GPR158: variants seen among roughly 807,000 people sequenced by gnomAD.
GPR158 encodes G protein-coupled receptor 158.
Under a neutral mutation model 78.2 loss-of-function variants are expected in GPR158, and 30 were observed. The observed-to-expected ratio is 0.38, with a 90% CI of 0.29 to 0.52. GPR158 has a LOEUF of 0.52. Among genes scored for constraint, GPR158 ranks in the 20% least tolerant of loss-of-function variants. The pLI is 0.83. For synonymous variants in GPR158, 581 were observed against 591.1 expected (o/e 0.98, Z 0.25); for missense variants, 1,463 against 1,523.5 (o/e 0.96, Z 0.66).
chr10:25,504,251 A>G (rs1018745633), intron 5 of GPR158, among the ~76,000 whole-genome samples: 2 of 152,200 alleles, frequency 1.3e-5, no homozygotes, highest in Non-Finnish European at 2.9e-5. Context: ...AGTGCCTGTT[A>G]TATGAATTCA....
chr10:25,529,945 C>A (rs886438309), intron 5 of GPR158, among the ~76,000 whole-genome samples: 2 of 152,142 alleles, frequency 1.3e-5, no homozygotes, highest in Admixed American at 1.3e-4. Flanking sequence ...TCTCACTTTT[C>A]CATCCGTTTG....
chr10:25,363,025 T>A (rs1855664320), intron 2 of GPR158, among the ~76,000 whole-genome samples: 1 of 151,946 alleles, frequency 6.6e-6, no homozygotes, highest in Non-Finnish European at 1.5e-5. Context: ...ACATCATTTT[T>A]TTCTGCTACC....
At chr10:25,447,123 C>A (rs760604580) in intron 4 of GPR158, among the ~76,000 whole-genome samples, 2 of 151,930 alleles carry the variant, frequency 1.3e-5, no homozygotes, top group Non-Finnish European at 2.9e-5. Context: ...CACTGAATGG[C>A]AAAATTGTTT....
Position 25,556,626 on chromosome 10 carries a change from A to T in GPR158, c.1514+5541A>T, listed in dbSNP as rs182346297. Among the ~76,000 whole-genome samples the T allele has an allele frequency of 8.7e-4, 132 of 152,298 alleles. 1 individual carries two copies. Among genetic ancestry groups the T allele is most frequent in the Non-Finnish European group, 1.7e-3 (113 of 68,020 alleles). On this transcript the variant is annotated intron_variant, in intron 6 of 10. Coordinates refer to ENST00000376351, the MANE Select transcript of GPR158 (RefSeq NM_020752.3). ...GGGATTCACCAGAAAAACAGGACTCATTCTTAAGCTTCTGAGGAAGGTCTC... is the reference window on the plus strand; with the variant it reads ...GGGATTCACCAGAAAAACAGGACTCTTTCTTAAGCTTCTGAGGAAGGTCTC...
chr10:25,267,591 G>C (rs1344578796), intron 2 of GPR158, among the ~76,000 whole-genome samples: 1 of 152,072 alleles, frequency 6.6e-6, no homozygotes, highest in Admixed American at 6.6e-5. Flanking sequence ...AGGGTAGTAT[G>C]TTATTTTTAT....
At chr10:25,576,345 ACCCATT>A (rs1179989037) in intron 7 of GPR158, among the ~76,000 whole-genome samples, 2 of 151,968 alleles carry the variant, frequency 1.3e-5, no homozygotes, top group Admixed American at 1.3e-4. Flanking sequence ...TCTGATCACA[ACCCATT>A]CCTAGCTCAT....
At chr10:25,335,579 C>T (rs61855504) in intron 2 of GPR158, among the ~76,000 whole-genome samples, 5 of 152,046 alleles carry the variant, frequency 3.3e-5, no homozygotes, top group South Asian at 2.1e-4. Flanking sequence ...TGTCCAGTAA[C>T]GAAGACCTTC....
chr10:25,601,236 T>TGC lies in GPR158; in HGVS notation c.*1965_*1966dup, dbSNP rs1043127985. The TGC allele has an allele frequency of 6.5e-6, 1 of 152,768 alleles. No homozygotes were observed. Among genetic ancestry groups the TGC allele is most frequent in the South Asian group, 2.1e-4 (1 of 4,828 alleles). The allele number at this position is 152,768 out of a possible 1,614,324, so 9.5% of individuals were successfully genotyped here. Reference sequence around the variant, plus strand: ...AGCACTTCACTGTTTCACAAAGCTGTGCGCAAATCTTCCTCACCCATTTGC... The same window carrying TGC: ...AGCACTTCACTGTTTCACAAAGCTGTGCGCGCAAATCTTCCTCACCCATTTGC... On this transcript the variant is annotated 3_prime_UTR_variant, in exon 11 of 11. Transcript: ENST00000376351.
chr10:25,447,875 A>G (rs1010055794), intron 4 of GPR158, among the ~76,000 whole-genome samples: 2 of 152,082 alleles, frequency 1.3e-5, no homozygotes, highest in African/African-American at 2.4e-5. Flanking sequence ...ACACACCTAC[A>G]TAACCCACAT....
chr10:25,373,091 C>T (rs1361710236), intron 2 of GPR158, among the ~76,000 whole-genome samples: 1 of 151,914 alleles, frequency 6.6e-6, no homozygotes, highest in Non-Finnish European at 1.5e-5. Context: ...AAATGTGGTG[C>T]ATATGTGCTG....
chr10:25,313,434 G>A (rs1323903743), intron 2 of GPR158, among the ~76,000 whole-genome samples: 1 of 151,692 alleles, frequency 6.6e-6, no homozygotes, highest in African/African-American at 2.4e-5. Context: ...ACACTTGGGA[G>A]TACTTAACAG....
chr10:25,446,139 G>A (rs545270478), intron 4 of GPR158, among the ~76,000 whole-genome samples: 14 of 152,220 alleles, frequency 9.2e-5, no homozygotes, highest in African/African-American at 2.9e-4. Flanking sequence ...TCTTTTATCC[G>A]AAACTTTAAT....
At chr10:25,555,462 C>G (rs7913399) in intron 6 of GPR158, among the ~76,000 whole-genome samples, 86,707 of 151,956 alleles carry the variant, frequency 0.57, 26,799 homozygotes, top group African/African-American at 0.81. Flanking sequence ...TTAGTATATA[C>G]TGATGTGGGG....
chr10:25,279,090 CAT>C (rs1478465050), intron 2 of GPR158, among the ~76,000 whole-genome samples: 1 of 152,030 alleles, frequency 6.6e-6, no homozygotes, highest in East Asian at 1.9e-4. Flanking sequence ...AAAAATAACA[CAT>C]GAGACAGGAG....
chr10:25,491,424 C>T (rs2130647720), intron 5 of GPR158, among the ~76,000 whole-genome samples: 1 of 152,224 alleles, frequency 6.6e-6, no homozygotes, highest in African/African-American at 2.4e-5. Context: ...ACTGCCTGAG[C>T]CACAATGGAC....
intron 2 of GPR158, among the ~76,000 whole-genome samples, chr10:25,317,638 T>C (rs1272161094): frequency 6.6e-6 from 1 of 152,150 alleles, no homozygotes. Context: ...TATTGTGGTA[T>C]AGTCTTCTTT....
chr10:25,335,413 A>G (rs1047437452), intron 2 of GPR158, among the ~76,000 whole-genome samples: 1 of 152,050 alleles, frequency 6.6e-6, no homozygotes, highest in East Asian at 1.9e-4. Context: ...TGTTTTTATT[A>G]ATAACTTGTT....
chr10:25,558,123 G>T (rs183624295), intron 6 of GPR158, among the ~76,000 whole-genome samples: 2 of 152,154 alleles, frequency 1.3e-5, no homozygotes, highest in Non-Finnish European at 2.9e-5. Context: ...CTGAAAAGAG[G>T]CTTGGTTAAA....
intron 2 of GPR158, among the ~76,000 whole-genome samples, chr10:25,297,705 G>A (rs1854536264): frequency 6.6e-6 from 1 of 152,166 alleles, no homozygotes; most frequent in African/African-American, 2.4e-5. Context: ...ACTTATCAGT[G>A]GCTTGTGAAC....
Sources: allele counts gnomAD v4.1 joint callset (sites outside exome capture counted in the v4.1 genomes callset), GRCh38; gene constraint gnomAD v4.1.1; transcripts MANE v1.5; gene names NCBI Gene and HGNC (gene_info 2026-07-23, HGNC 2026-07-21).